CNTNAP2: variants seen among roughly 807,000 people sequenced by gnomAD.
CNTNAP2 encodes the protein contactin-associated protein-like 2.
In CNTNAP2, 98 loss-of-function variants were observed where a neutral mutation model predicts 155.2. The ratio of observed to expected loss-of-function variants is 0.63; its 90% confidence interval spans 0.54 to 0.75. The LOEUF is 0.75. Among genes scored for constraint, CNTNAP2 ranks in the 30% least tolerant of loss-of-function variants. The pLI is 0.00. For missense variants in CNTNAP2, 1,727 were observed against 1,688.1 expected (o/e 1.02, Z -0.40); for synonymous variants, 651 against 631.2 (o/e 1.03, Z -0.47).
At chr7:146,676,332 G>T (rs950750408) in intron 1 of CNTNAP2, among the ~76,000 whole-genome samples, 3 of 152,122 alleles carry the variant, frequency 2.0e-5, no homozygotes, top group Non-Finnish European at 2.9e-5. Flanking sequence ...AAGAAACTGA[G>T]GTGAAATTAA....
chr7:147,482,851 G>T (rs1189188642), intron 10 of CNTNAP2, among the ~76,000 whole-genome samples: 8 of 152,058 alleles, frequency 5.3e-5, no homozygotes, highest in Non-Finnish European at 4.4e-5. Flanking sequence ...TTCGGCACCA[G>T]CCTGACCAAC....
intron 21 of CNTNAP2, among the ~76,000 whole-genome samples, chr7:148,279,919 T>G (rs1796942088): frequency 6.6e-6 from 1 of 152,116 alleles, no homozygotes; most frequent in South Asian, 2.1e-4. Context: ...ATTTTTGAAA[T>G]GACAAAATTT....
intron 1 of CNTNAP2, among the ~76,000 whole-genome samples, chr7:146,656,468 G>A (rs1799997475): frequency 6.6e-6 from 1 of 152,186 alleles, no homozygotes; most frequent in African/African-American, 2.4e-5. Context: ...GTCAAATTCA[G>A]CAAACAAAAC....
chr7:146,689,526 C>CTT (rs1800661703), intron 1 of CNTNAP2, among the ~76,000 whole-genome samples: 2 of 151,998 alleles, frequency 1.3e-5, no homozygotes, highest in Non-Finnish European at 2.9e-5. Flanking sequence ...CACCAACGTC[C>CTT]TTGAGAATCT....
chr7:146,783,077 A>C (rs1207358016), intron 2 of CNTNAP2, among the ~76,000 whole-genome samples: 1 of 152,188 alleles, frequency 6.6e-6, no homozygotes, highest in Non-Finnish European at 1.5e-5. Flanking sequence ...AATATTCTGC[A>C]GGACTTTTCA....
intron 14 of CNTNAP2, among the ~76,000 whole-genome samples, chr7:147,917,323 T>C: frequency 6.6e-6 from 1 of 152,198 alleles, no homozygotes; most frequent in Non-Finnish European, 1.5e-5. Flanking sequence ...TAGGGCTAGG[T>C]TAAGCTGCAT....
At chr7:147,185,799 T>C (rs1320313504) in intron 8 of CNTNAP2, among the ~76,000 whole-genome samples, 1 of 152,030 alleles carries the variant, frequency 6.6e-6, no homozygotes, top group Non-Finnish European at 1.5e-5. Context: ...AGGTACCTGG[T>C]GGGAGGTAAT....
intron 9 of CNTNAP2, among the ~76,000 whole-genome samples, chr7:147,329,433 G>A (rs923163163): frequency 1.4e-4 from 22 of 151,970 alleles, no homozygotes; most frequent in African/African-American, 5.3e-4. Flanking sequence ...AAAAGATCCA[G>A]TTTTTTATAG....
At chr7:146,484,096 T>A (rs2129129435) in intron 1 of CNTNAP2, among the ~76,000 whole-genome samples, 1 of 152,314 alleles carries the variant, frequency 6.6e-6, no homozygotes, top group Middle Eastern at 3.4e-3. Flanking sequence ...TGTTTATATA[T>A]CTTTAGATAC....
chr7:146,662,355 C>T (rs1800106335), intron 1 of CNTNAP2, among the ~76,000 whole-genome samples: 1 of 79,082 alleles, frequency 1.3e-5, no homozygotes, highest in African/African-American at 3.0e-5. Flanking sequence ...CCAGGCTGGC[C>T]TCCACTCCGG....
chr7:148,351,708 A>G (rs985615807), intron 21 of CNTNAP2, among the ~76,000 whole-genome samples: 4 of 128,570 alleles, frequency 3.1e-5, no homozygotes, highest in Non-Finnish European at 4.7e-5. Context: ...ACGCCTCTGC[A>G]CTCCAGCCTG....
chr7:147,455,437 T>G (rs1197607655), intron 10 of CNTNAP2, among the ~76,000 whole-genome samples: 2 of 152,102 alleles, frequency 1.3e-5, no homozygotes, highest in Non-Finnish European at 2.9e-5. Flanking sequence ...ATGCCAGAAT[T>G]TACTGTTTTC....
intron 9 of CNTNAP2, among the ~76,000 whole-genome samples, chr7:147,394,571 T>C (rs1796778270): frequency 6.6e-6 from 1 of 152,040 alleles, no homozygotes; most frequent in Admixed American, 6.6e-5. Flanking sequence ...ATATGAAAAG[T>C]AGAAGCTCTG....
At chr7:146,685,247 AT>A (rs1268204757) in intron 1 of CNTNAP2, among the ~76,000 whole-genome samples, 1 of 152,196 alleles carries the variant, frequency 6.6e-6, no homozygotes, top group East Asian at 1.9e-4. Context: ...AAAGGATAGC[AT>A]GGTATTGTGC....
At chr7:146,903,283 C>T (rs1222974662) in intron 3 of CNTNAP2, among the ~76,000 whole-genome samples, 4 of 152,162 alleles carry the variant, frequency 2.6e-5, no homozygotes, top group Non-Finnish European at 5.9e-5. Flanking sequence ...GAGATATACC[C>T]ATTTTCACAG....
At chr7:148,067,930 G>C (rs1022802567) in intron 15 of CNTNAP2, among the ~76,000 whole-genome samples, 5 of 152,112 alleles carry the variant, frequency 3.3e-5, no homozygotes, top group African/African-American at 1.2e-4. Context: ...GGAAGTGGGG[G>C]AAAGTCGTCA....
intron 9 of CNTNAP2, among the ~76,000 whole-genome samples, chr7:147,362,875 A>G (rs752427532): frequency 3.9e-5 from 6 of 152,210 alleles, no homozygotes; most frequent in Non-Finnish European, 7.3e-5. Context: ...AAAATGAAAT[A>G]CAGAAGTTAA....
At position 146,947,400 on chromosome 7, in the gene CNTNAP2, CTCTCTCTCTCTATA is replaced by C. The variant is rs1379644509; in HGVS notation, c.403-96505_403-96492del. 3.8e-5 allele frequency among the ~76,000 whole-genome samples: 5 copies of C among 131,160 alleles called. No homozygotes were observed. In the East Asian group the frequency reaches 1.0e-3, roughly 27 times the overall value. The allele number at this position is 131,160 out of a possible 152,430, so 86.0% of individuals were successfully genotyped here. A position where few individuals can be genotyped will look rare whatever the true frequency, so the allele number is the denominator to read the frequency against. ...CTTCTCTCTTTCTCTCTCTCTCTCT[CTCTCTCTCTCTATA>C]TATATATATATATATACATACACAC... On this transcript the variant is annotated intron_variant, in intron 3 of 23. Transcript: ENST00000361727.
chr7:146,862,860 G>A (rs1795131693), intron 3 of CNTNAP2, among the ~76,000 whole-genome samples: 1 of 152,198 alleles, frequency 6.6e-6, no homozygotes, highest in African/African-American at 2.4e-5. Flanking sequence ...AGGGTGTAAT[G>A]TGGTCATTCT....
Sources: allele counts gnomAD v4.1 joint callset (sites outside exome capture counted in the v4.1 genomes callset), GRCh38; gene constraint gnomAD v4.1.1; transcripts MANE v1.5; gene names NCBI Gene and HGNC (gene_info 2026-07-23, HGNC 2026-07-21).